CFI: variants seen among roughly 807,000 people sequenced by gnomAD.
CFI encodes complement factor I.
CFI carries 66 observed loss-of-function variants against 78.8 expected under a neutral mutation model. The observed-to-expected ratio is 0.84, with a 90% CI of 0.69 to 1.03. CFI has a LOEUF of 1.03. CFI is among the 50% of genes least tolerant of loss of function. The pLI, the probability that CFI is intolerant of heterozygous loss-of-function variation, is 0.00. For synonymous variants in CFI, 250 were observed against 232.6 expected (o/e 1.07, Z -0.68); for missense variants, 706 against 704.5 (o/e 1.00, Z -0.02).
chr4:109,787,003 G>A (rs575108673), intron 1 of CFI, among the ~76,000 whole-genome samples: 1 of 152,108 alleles, frequency 6.6e-6, no homozygotes, highest in Non-Finnish European at 1.5e-5. Context: ...TCTCTGAATA[G>A]CTAGGAGAAG....
intron 1 of CFI, among the ~76,000 whole-genome samples, chr4:109,774,898 T>C (rs1396352991): frequency 6.6e-6 from 1 of 152,166 alleles, no homozygotes; most frequent in Admixed American, 6.5e-5. Context: ...AGAATGTCAA[T>C]TTGTGCTCTT....
At chr4:109,793,314 A>T (rs185136163) in intron 1 of CFI, 1 of 152,370 alleles carries the variant, frequency 6.6e-6, no homozygotes, top group Non-Finnish European at 1.5e-5. Context: ...CTGTTAACAC[A>T]GAATTAGAAT....
chr4:109,777,358 A>G (rs927196403), intron 1 of CFI, among the ~76,000 whole-genome samples: 18 of 152,234 alleles, frequency 1.2e-4, no homozygotes, highest in Non-Finnish European at 2.2e-4. Flanking sequence ...CAGACTTTAA[A>G]CCAACAAAGA....
At chr4:109,738,112 CTTTTT>C (rs141891533), downstream of CFI, among the ~76,000 whole-genome samples, 7 of 130,238 alleles carry the variant, frequency 5.4e-5, 1 homozygote, top group South Asian at 5.2e-4. Context: ...GAGTACTTTT[CTTTTT>C]TTTTTTTTTT....
chr4:109,736,315 G>A (rs941185390), downstream of CFI, among the ~76,000 whole-genome samples: 4 of 152,152 alleles, frequency 2.6e-5, no homozygotes, highest in African/African-American at 9.7e-5. Flanking sequence ...GGATGAGTCA[G>A]CCTAATACAG....
At chr4:109,775,204 G>A (rs189934527) in intron 1 of CFI, among the ~76,000 whole-genome samples, 38 of 152,266 alleles carry the variant, frequency 2.5e-4, no homozygotes, top group East Asian at 5.8e-4. Context: ...GTGGGGCATC[G>A]CCTCACCCGG....
At chr4:109,793,860 A>C (rs1731688939) in intron 1 of CFI, 1 of 152,216 alleles carries the variant, frequency 6.6e-6, no homozygotes. Flanking sequence ...CAGGTCTATT[A>C]GTAGCTAACT....
downstream of CFI, among the ~76,000 whole-genome samples, chr4:109,738,639 C>T (rs1388816847): frequency 2.0e-5 from 3 of 152,190 alleles, no homozygotes; most frequent in Non-Finnish European, 2.9e-5. Context: ...GCAGGTTCTG[C>T]AGTTTCTCTT....
At chr4:109,775,044 A>G (rs1186564924) in intron 1 of CFI, among the ~76,000 whole-genome samples, 1 of 152,110 alleles carries the variant, frequency 6.6e-6, no homozygotes, top group Non-Finnish European at 1.5e-5. Context: ...CAACTTGAGG[A>G]GGTTCCAATA....
chr4:109,801,951 G>C lies in CFI; in HGVS notation c.21C>G (p.Phe7Leu). The change falls in exon 1 of 13, where the codon TTC (phenylalanine) becomes TTG (leucine). Residue 7 changes from phenylalanine (F) to leucine (L), a missense_variant. Phe to Leu is a conservative substitution (Grantham distance 22, BLOSUM62 0). Transcript: ENST00000394634. ...TTAAGTGGAAGCACAGAAATAACAG[G>C]AAAACATGAAGAAGCTTCATGTTGG... is the stretch of plus-strand genomic sequence containing the variant. Reference protein sequence around the residue: MKLLHVFLLFLCFHLRF... With the variant: MKLLHVLLLFLCFHLRF... 1 of 1,612,634 alleles carries C rather than the reference G, an allele frequency of 6.2e-7. No homozygotes were observed. Among genetic ancestry groups the C allele is most frequent in the Non-Finnish European group, 8.5e-7 (1 of 1,178,980 alleles).
In CFI at chr4:109,746,337, G is replaced by A. The variant is rs775999349; in HGVS notation, c.1314C>T (p.Asp438=). Residue 438 remains aspartate, a synonymous_variant, in exon 11 of 13, where the codon GAC becomes GAT. Transcript: ENST00000394634. ...GCAGCTCACAATCTTTTTTGTTTCC[G>A]TCTTTTTTCATTTCAATCAAAGCGA... ...NDIALIEMKK[D]GNKKDCELPR... The A allele has an allele frequency of 1.2e-5, 20 of 1,614,004 alleles. No homozygotes were observed. The highest frequency in any genetic ancestry group is 6.7e-5 in the East Asian group (3 of 44,890).
the CFI span, among the ~76,000 whole-genome samples, chr4:109,732,376 T>A: frequency 6.6e-6 from 1 of 152,210 alleles, no homozygotes; most frequent in Non-Finnish European, 1.5e-5. Flanking sequence ...TAAGTTTTAT[T>A]TTCACATTCT....
In CFI at chr4:109,746,248, A is replaced by G. The variant is rs1724401539; in HGVS notation, c.1403T>C (p.Ile468Thr). 2 of 1,614,062 alleles carry G rather than the reference A, an allele frequency of 1.2e-6. No homozygotes were observed. Among genetic ancestry groups the G allele is most frequent in the Admixed American group, 3.3e-5 (2 of 59,998 alleles). ...PYLFQPNDTC[I>T]VSGWGREKDN... The stretch of plus-strand genomic sequence containing the variant: ...TTTTTCTCGTCCCCAGCCAGAAACG[A>G]TGCATGTATCATTAGGTTGGAATAG... The change falls in exon 11 of 13, where the codon ATC (isoleucine) becomes ACC (threonine). Residue 468 changes from isoleucine to threonine, a missense_variant. Coordinates refer to ENST00000394634, the MANE Select transcript of CFI (RefSeq NM_000204.5).
At position 109,766,756 on chromosome 4, in the gene CFI, G is replaced by A. The variant is rs201084837; in HGVS notation, c.126C>T (p.Ser42=). 1.2e-6 allele frequency: 2 copies of A among 1,614,152 alleles called. No individual in the cohort carries two copies. Among genetic ancestry groups the A allele is most frequent in the African/African-American group, 2.7e-5 (2 of 75,048 alleles). ...KCLAKKYTHL[S]CDKVFCQPWQ... ...ATGGCTGGCAGAAGACTTTATCGCAGGAGAGGTGAGTATATTTTTTTGCTA... is the reference window on the plus strand; with the variant it reads ...ATGGCTGGCAGAAGACTTTATCGCAAGAGAGGTGAGTATATTTTTTTGCTA... The change falls in exon 2 of 13, where the codon TCC becomes TCT. Residue 42 remains serine, a synonymous_variant. Transcript: ENST00000394634.
downstream of CFI, among the ~76,000 whole-genome samples, chr4:109,739,622 T>C (rs981636472): frequency 2.0e-5 from 3 of 152,176 alleles, no homozygotes; most frequent in African/African-American, 4.8e-5. Context: ...TTACTAGATA[T>C]TCACATGGCA....
intron 1 of CFI, among the ~76,000 whole-genome samples, chr4:109,800,757 A>G (rs1293673913): frequency 6.6e-6 from 1 of 152,050 alleles, no homozygotes; most frequent in African/African-American, 2.4e-5. Flanking sequence ...ATGCATTTAT[A>G]TATATGCATA....
At chr4:109,801,227 T>C (rs1417918572) in intron 1 of CFI, among the ~76,000 whole-genome samples, 1 of 152,212 alleles carries the variant, frequency 6.6e-6, no homozygotes, top group African/African-American at 2.4e-5. Flanking sequence ...TGGATTCATT[T>C]ATTTGGAGGG....
chr4:109,786,400 T>C (rs1344077205), intron 1 of CFI, among the ~76,000 whole-genome samples: 1 of 152,002 alleles, frequency 6.6e-6, no homozygotes, highest in East Asian at 1.9e-4. Flanking sequence ...CTTTTTTTTC[T>C]CTAGGCAGGA....
intron 3 of CFI, among the ~76,000 whole-genome samples, chr4:109,764,139 G>A (rs1436461916): frequency 1.3e-5 from 2 of 150,578 alleles, no homozygotes; most frequent in African/African-American, 4.9e-5. Flanking sequence ...TAACTGTATA[G>A]TTTATACTCA....
Sources: allele counts gnomAD v4.1 joint callset (sites outside exome capture counted in the v4.1 genomes callset), GRCh38; gene constraint gnomAD v4.1.1; transcripts MANE v1.5; gene names NCBI Gene and HGNC (gene_info 2026-07-23, HGNC 2026-07-21).